The following CNTN6 variants were observed in gnomAD, a reference collection of about 807,000 sequenced individuals.
The protein encoded by CNTN6 is contactin-6.
In CNTN6, 137 loss-of-function variants were observed where a neutral mutation model predicts 122.8. That is an observed-to-expected ratio of 1.12 (90% CI 0.97 to 1.29). CNTN6 has a LOEUF of 1.29. Among genes scored for constraint, CNTN6 ranks in the 50% most tolerant of loss-of-function variants. CNTN6 has a pLI of 0.00. For synonymous variants in CNTN6, 570 were observed against 426.0 expected, an observed-to-expected ratio of 1.34 and a Z score of -4.16; for missense variants, 1,634 against 1,223.4, an observed-to-expected ratio of 1.34 and a Z score of -5.01.
rs778088798 is a variant in CNTN6 at position 1,382,918 on chromosome 3, GTGAT to G, written c.2167-19_2167-16del. 24 of 1,528,958 alleles carry G rather than the reference GTGAT, an allele frequency of 1.6e-5. 1 individual carries two copies. The highest frequency in any genetic ancestry group is 6.8e-5 in the South Asian group (6 of 88,878). 94.7% of individuals were successfully genotyped at this position (1,528,958 alleles called of 1,614,324 possible). ...AATAAAATATTTTTGCAAATACTCAGTGATTGATCACATTCTGCCCAAGTCAATT... is the reference window on the plus strand; with the variant it reads ...AATAAAATATTTTTGCAAATACTCAGTGATCACATTCTGCCCAAGTCAATT... On this transcript the variant is annotated intron_variant, in intron 17 of 22. Transcript: ENST00000446702.
intron 16 of CNTN6, among the ~76,000 whole-genome samples, chr3:1,375,981 A>G (rs78842535): frequency 0.075 from 11,393 of 152,088 alleles, 582 homozygotes; most frequent in Non-Finnish European, 0.11. Flanking sequence ...TAAAACTTAC[A>G]TATTTTAATC....
At chr3:1,101,754 C>T (rs949661460) in intron 1 of CNTN6, among the ~76,000 whole-genome samples, 6 of 152,200 alleles carry the variant, frequency 3.9e-5, no homozygotes, top group Non-Finnish European at 7.3e-5. Context: ...AGTCCAATGA[C>T]AGAATATGTT....
intron 20 of CNTN6, among the ~76,000 whole-genome samples, chr3:1,386,954 C>A (rs1354915854): frequency 1.3e-5 from 2 of 151,800 alleles, no homozygotes; most frequent in Non-Finnish European, 3.0e-5. Flanking sequence ...TAGGAACCAT[C>A]TCAGAGAATA....
chr3:1,311,192 T>C (rs1263768201), intron 7 of CNTN6, among the ~76,000 whole-genome samples: 1 of 145,876 alleles, frequency 6.9e-6, no homozygotes, highest in African/African-American at 2.5e-5. Context: ...TTTATATATA[T>C]AGGTGTTGTA....
At chr3:1,349,960 A>G (rs920029980) in intron 11 of CNTN6, among the ~76,000 whole-genome samples, 2 of 151,880 alleles carry the variant, frequency 1.3e-5, no homozygotes, top group Admixed American at 6.6e-5. Flanking sequence ...GAGAACTTTT[A>G]AAGTTTATTT....
At chr3:1,179,214 C>T (rs1007306957) in intron 2 of CNTN6, among the ~76,000 whole-genome samples, 5 of 152,118 alleles carry the variant, frequency 3.3e-5, no homozygotes, top group African/African-American at 1.2e-4. Flanking sequence ...AAGGACAGCA[C>T]AAGCCATTCA....
At chr3:1,353,708 G>GA (rs963906298) in intron 12 of CNTN6, among the ~76,000 whole-genome samples, 8 of 151,560 alleles carry the variant, frequency 5.3e-5, no homozygotes, top group Middle Eastern at 3.4e-3. Flanking sequence ...TCATTAACGG[G>GA]AAAAAAAGAT....
intron 12 of CNTN6, among the ~76,000 whole-genome samples, chr3:1,358,749 C>T (rs1707006351): frequency 6.6e-6 from 1 of 151,934 alleles, no homozygotes; most frequent in Admixed American, 6.6e-5. Flanking sequence ...TATTGACAGG[C>T]ACAATAAAAA....
At chr3:1,122,492 G>A (rs560217186) in intron 1 of CNTN6, among the ~76,000 whole-genome samples, 1 of 149,776 alleles carries the variant, frequency 6.7e-6, no homozygotes, top group Non-Finnish European at 1.5e-5. Flanking sequence ...GGACAATTCG[G>A]TTGCATTTAA....
Position 1,166,653 on chromosome 3 carries a change from G to A in CNTN6, c.55+18590G>A, listed in dbSNP as rs9815645. ...TAAGCTGATTAAGGACACAGGCTCC[G>A]CAATTAAAGACACCTGTGGCACATA... On this transcript the variant is annotated intron_variant, in intron 2 of 22. Transcript: ENST00000446702. Among the ~76,000 whole-genome samples the A allele has an allele frequency of 4.2e-3, 637 of 152,164 alleles. 2 individuals carry two copies. The highest frequency in any genetic ancestry group is 0.014 in the African/African-American group (593 of 41,530).
chr3:1,327,168 C>A (rs1370781949), intron 9 of CNTN6, among the ~76,000 whole-genome samples: 1 of 151,804 alleles, frequency 6.6e-6, no homozygotes, highest in Non-Finnish European at 1.5e-5. Flanking sequence ...GTGGAGTATT[C>A]CAAATTACTA....
chr3:1,390,570 C>T (rs1381738409), intron 20 of CNTN6, among the ~76,000 whole-genome samples: 1 of 152,036 alleles, frequency 6.6e-6, no homozygotes, highest in East Asian at 1.9e-4. Flanking sequence ...CAGAGCACAA[C>T]TGAAGGAAAT....
At chr3:1,339,064 C>CT (rs58744002) in intron 11 of CNTN6, among the ~76,000 whole-genome samples, 2,983 of 148,952 alleles carry the variant, frequency 0.02, 82 homozygotes, top group African/African-American at 0.066. Context: ...TCAGAGCACT[C>CT]TTTTTTTTTT....
intron 4 of CNTN6, among the ~76,000 whole-genome samples, chr3:1,268,414 T>C (rs1459646975): frequency 6.6e-6 from 1 of 152,094 alleles, no homozygotes; most frequent in East Asian, 1.9e-4. Context: ...GAGACCATCC[T>C]GGTTAATGTG....
At position 1,093,130 on chromosome 3, in the gene CNTN6, G is replaced by C. The variant is rs1574796829; in HGVS notation, c.-83+10G>C. On this transcript the variant is annotated intron_variant, in intron 1 of 22. Coordinates refer to ENST00000446702, the MANE Select transcript of CNTN6 (RefSeq NM_001289080.2). ...CCGAGACATTTCCCTGGTAAGATCTGTAAGTACAAAATTGTGCTGTGTCTG... is the reference window on the plus strand; with the variant it reads ...CCGAGACATTTCCCTGGTAAGATCTCTAAGTACAAAATTGTGCTGTGTCTG... The C allele has an allele frequency of 3.6e-6, 1 of 280,166 alleles. No homozygotes were observed. Among genetic ancestry groups the C allele is most frequent in the Non-Finnish European group, 7.1e-6 (1 of 140,714 alleles). 17.4% of individuals were successfully genotyped at this position (280,166 alleles called of 1,614,324 possible).
chr3:1,120,603 C>T (rs1430373677), intron 1 of CNTN6, among the ~76,000 whole-genome samples: 11 of 151,872 alleles, frequency 7.2e-5, no homozygotes, highest in Admixed American at 7.2e-4. Flanking sequence ...TATTTTCTCT[C>T]AGCCTCTGAA....
At chr3:1,162,685 A>G (rs1575077886) in intron 2 of CNTN6, among the ~76,000 whole-genome samples, 1 of 152,240 alleles carries the variant, frequency 6.6e-6, no homozygotes, top group East Asian at 1.9e-4. Context: ...TTGTTGCATA[A>G]TGACATAGCT....
At chr3:1,109,138 G>A (rs368523103) in intron 1 of CNTN6, among the ~76,000 whole-genome samples, 3 of 152,022 alleles carry the variant, frequency 2.0e-5, no homozygotes, top group East Asian at 1.9e-4. Flanking sequence ...GGGAAACAGC[G>A]TTTGCATTTG....
intron 5 of CNTN6, among the ~76,000 whole-genome samples, chr3:1,294,260 C>T (rs1218104051): frequency 6.6e-6 from 1 of 152,042 alleles, no homozygotes; most frequent in Non-Finnish European, 1.5e-5. Flanking sequence ...GAAATACTAT[C>T]CACAATATAA....
Sources: gnomAD v4.1 joint callset for allele counts (sites outside exome capture counted in the v4.1 genomes callset) on GRCh38, gnomAD v4.1.1 for gene constraint, MANE v1.5 for transcripts, NCBI Gene and HGNC (gene_info 2026-07-23, HGNC 2026-07-21) for gene names.